FHDC1: variants seen among roughly 807,000 people sequenced by gnomAD.
FHDC1 encodes FH2 domain-containing protein 1.
FHDC1 carries 25 observed loss-of-function variants against 52.6 expected under a neutral mutation model. The ratio of observed to expected loss-of-function variants is 0.48; its 90% CI spans 0.35 to 0.66. The LOEUF (loss-of-function observed/expected upper bound fraction) is 0.66. Among genes scored for constraint, FHDC1 ranks in the 30% least tolerant of loss-of-function variants. The probability of loss-of-function intolerance (pLI) is 0.01; values close to 1 mark genes in which losing one functional copy is unlikely to be tolerated. For missense variants in FHDC1, 1,459 were observed against 1,452.8 expected, an observed-to-expected ratio of 1.00 and a Z score of -0.07; for synonymous variants, 616 against 581.5, an observed-to-expected ratio of 1.06 and a Z score of -0.85.
At chr4:152,945,245 G>C (rs1310708073) in intron 2 of FHDC1, among the ~76,000 whole-genome samples, 1 of 152,132 alleles carries the variant, frequency 6.6e-6, no homozygotes, top group Admixed American at 6.5e-5. Flanking sequence ...TCTCAACTAT[G>C]ATAGAAGCAG....
At chr4:152,913,097 A>G in the FHDC1 span, among the ~76,000 whole-genome samples, 1 of 152,212 alleles carries the variant, frequency 6.6e-6, no homozygotes, top group East Asian at 1.9e-4. Flanking sequence ...AGTATTTGCA[A>G]CTATATACTT....
At chr4:152,944,783 T>A (rs898988066) in intron 2 of FHDC1, among the ~76,000 whole-genome samples, 1 of 152,264 alleles carries the variant, frequency 6.6e-6, no homozygotes, top group Non-Finnish European at 1.5e-5. Context: ...GTGCCGTCAG[T>A]GCTGAACACA....
At chr4:152,971,701 C>A (rs1191868731) in intron 10 of FHDC1, among the ~76,000 whole-genome samples, 1 of 152,208 alleles carries the variant, frequency 6.6e-6, no homozygotes, top group East Asian at 1.9e-4. Context: ...GCCATTGGGA[C>A]CCATCAGAAT....
intron 10 of FHDC1, 89 bp from the exon 11 acceptor site, chr4:152,972,288 C>A: frequency 7.6e-7 from 1 of 1,313,886 alleles, no homozygotes; most frequent in Non-Finnish European, 1.0e-6. Flanking sequence ...AACCCCAGAG[C>A]ACGTCTTCTC....
chr4:152,926,140 A>G, the FHDC1 span, among the ~76,000 whole-genome samples: 1 of 152,006 alleles, frequency 6.6e-6, no homozygotes, highest in East Asian at 1.9e-4. Context: ...AAAAGGAGAG[A>G]CAGCAGAAAC....
the FHDC1 span, among the ~76,000 whole-genome samples, chr4:152,928,763 G>A: frequency 6.6e-6 from 1 of 151,962 alleles, no homozygotes; most frequent in Non-Finnish European, 1.5e-5. Context: ...GATGATAAAC[G>A]TCATCTGCTG....
chr4:152,970,896 CA>C (rs1402783201), intron 10 of FHDC1, among the ~76,000 whole-genome samples: 1 of 152,184 alleles, frequency 6.6e-6, no homozygotes, highest in East Asian at 1.9e-4. Context: ...CAGGTTCAAA[CA>C]GCAGTTCTAC....
chr4:152,943,127 T>C lies in FHDC1; in HGVS notation c.70T>C (p.Phe24Leu). ...ENGNIATAPG[F>L]MIGQTPPPAP... ...TGGGAATATTGCCACAGCACCTGGA[T>C]TCATGATTGGGCAGACACCTCCTCC... The change falls in exon 2 of 12, where the codon TTC becomes CTC. Residue 24 changes from phenylalanine to leucine, a missense_variant. By Grantham distance (22) the Phe-to-Leu change is conservative. Coordinates refer to ENST00000511601, the MANE Select transcript of FHDC1 (RefSeq NM_001371116.1). 6.2e-7 allele frequency: 1 copy of C among 1,614,100 alleles called. No homozygotes were observed. The highest frequency in any genetic ancestry group is 8.5e-7 in the Non-Finnish European group (1 of 1,180,000).
the FHDC1 span, among the ~76,000 whole-genome samples, chr4:152,921,546 T>TTTCC: frequency 0.036 from 4,984 of 138,422 alleles, 190 homozygotes; most frequent in African/African-American, 0.065. Context: ...AAATATTTTC[T>TTTCC]TTCCTTCCTT....
intron 4 of FHDC1, among the ~76,000 whole-genome samples, chr4:152,959,770 C>A (rs967688794): frequency 7.2e-5 from 11 of 152,016 alleles, no homozygotes; most frequent in African/African-American, 2.7e-4. Flanking sequence ...TAATAGATAC[C>A]TTTTAAAAAA....
intron 9 of FHDC1, among the ~76,000 whole-genome samples, chr4:152,966,951 C>T (rs954642139): frequency 6.6e-6 from 1 of 152,090 alleles, no homozygotes. Context: ...AAGACCCTGT[C>T]TCTACAAAAA....
At chr4:152,921,596 C>T in the FHDC1 span, among the ~76,000 whole-genome samples, 710 of 137,740 alleles carry the variant, frequency 5.2e-3, 8 homozygotes, top group South Asian at 0.018. Flanking sequence ...CTCCCTCCCT[C>T]CCTCCCTCCC....
rs1465199905 is a variant in FHDC1, at chr4:152,976,503, T to C, written c.3212T>C (p.Val1071Ala). 6.2e-7 allele frequency: 1 copy of C among 1,612,844 alleles called. No individual in the cohort carries two copies. Among genetic ancestry groups the C allele is most frequent in the Middle Eastern group, 1.6e-4 (1 of 6,062 alleles). ...TRTVSQRQLRVKGDPEDAAPK... is the reference protein window; with the variant it reads ...TRTVSQRQLRAKGDPEDAAPK... ...ACAGTGTCGCAGCGGCAGCTGAGGGTGAAAGGGGACCCCGAGGATGCCGCT... is the reference window on the plus strand; with the variant it reads ...ACAGTGTCGCAGCGGCAGCTGAGGGCGAAAGGGGACCCCGAGGATGCCGCT... The change falls in exon 12 of 12, where the codon GTG becomes GCG. Residue 1071 changes from valine to alanine, a missense_variant. Coordinates refer to ENST00000511601, the MANE Select transcript of FHDC1 (RefSeq NM_001371116.1).
intron 6 of FHDC1, among the ~76,000 whole-genome samples, chr4:152,961,577 C>T (rs573267687): frequency 2.0e-5 from 3 of 152,278 alleles, no homozygotes; most frequent in Admixed American, 6.5e-5. Flanking sequence ...CTTTTCAGCT[C>T]GGGGCCATAT....
intron 1 of FHDC1, among the ~76,000 whole-genome samples, chr4:152,937,774 T>C (rs1053131479): frequency 6.6e-6 from 1 of 152,012 alleles, no homozygotes; most frequent in Non-Finnish European, 1.5e-5. Flanking sequence ...AGGACGCAGC[T>C]GGGGCTCCGC....
rs747074436 is a variant in FHDC1 at position 152,953,556 on chromosome 4, A to G, written c.556A>G (p.Lys186Glu). 1.2e-6 allele frequency: 2 copies of G among 1,611,396 alleles called. No homozygotes were observed. The highest frequency in any genetic ancestry group is 1.7e-6 in the Non-Finnish European group (2 of 1,179,756). ...MNIGIFLKQF[K>E]KSPRSIVEDI... ...CATTGGGATATTTCTTAAGCAATTT[A>G]AGAAGTAAGATTTTGCACACATTTG... Residue 186 changes from lysine (K) to glutamate (E), a missense_variant, in exon 3 of 12, where the codon AAG (lysine) becomes GAG (glutamate). Physicochemically the swap from Lys to Glu is moderately conservative, Grantham distance 56. Around this residue, in one of 3 missense-constraint regions of FHDC1, gnomAD observed 513 missense variants for 581.5 expected, o/e 0.88. Transcript: ENST00000511601.
chr4:152,975,913 C>T lies in FHDC1; in HGVS notation c.2622C>T (p.Ala874=), dbSNP rs1427098892. 3 of 1,514,816 alleles carry T rather than the reference C, an allele frequency of 2.0e-6. No individual in the cohort carries two copies. In the South Asian group the frequency reaches 4.1e-5, roughly 21 times the overall value. 93.8% of individuals were successfully genotyped at this position (1,514,816 alleles called of 1,614,324 possible). A position where few individuals can be genotyped will look rare whatever the true frequency, so the allele number is the denominator to read the frequency against. The change falls in exon 12 of 12, where the codon GCC becomes GCT. Residue 874 remains alanine (A), a synonymous_variant. Coordinates refer to ENST00000511601, the MANE Select transcript of FHDC1 (RefSeq NM_001371116.1). ...RGSLKEASPG[A]SKPGSARRSQ... Reference sequence around the variant, plus strand: ...CCCTGAAAGAGGCGTCTCCCGGGGCCTCCAAGCCCGGGAGCGCCCGGCGGA... The same window carrying T: ...CCCTGAAAGAGGCGTCTCCCGGGGCTTCCAAGCCCGGGAGCGCCCGGCGGA...
chr4:152,974,286 AC>A (rs1361529844), intron 11 of FHDC1, among the ~76,000 whole-genome samples: 1 of 152,150 alleles, frequency 6.6e-6, no homozygotes, highest in Non-Finnish European at 1.5e-5. Context: ...CTGCTCAGAA[AC>A]AGAGTTGGCT....
the FHDC1 span, chr4:152,912,196 A>G: frequency 6.6e-6 from 1 of 152,184 alleles, no homozygotes; most frequent in Non-Finnish European, 1.5e-5. Context: ...TAGTGGGCAC[A>G]TGACCAAAAG....
Sources: allele counts gnomAD v4.1 joint callset (sites outside exome capture counted in the v4.1 genomes callset), GRCh38; gene constraint gnomAD v4.1.1; regional missense constraint gnomAD v4.1.1; transcripts MANE v1.5; gene names NCBI Gene and HGNC (gene_info 2026-07-23, HGNC 2026-07-21).